The following TNFRSF10A variants were observed in gnomAD, a reference collection of about 807,000 sequenced individuals.
TNFRSF10A encodes the protein TNF receptor superfamily member 10a.
Under a neutral mutation model 42.8 loss-of-function variants are expected in TNFRSF10A, and 44 were observed. The ratio of observed to expected loss-of-function variants is 1.03; its 90% CI spans 0.81 to 1.32. TNFRSF10A has a LOEUF of 1.32. Among genes scored for constraint, TNFRSF10A ranks in the 40% most tolerant of loss-of-function variants. TNFRSF10A has a pLI of 0.00. For missense variants in TNFRSF10A, 680 were observed against 602.0 expected, an observed-to-expected ratio of 1.13 and a Z score of -1.36; for synonymous variants, 259 against 234.2, an observed-to-expected ratio of 1.11 and a Z score of -0.97.
Position 23,197,253 on chromosome 8 carries a change from G to C in TNFRSF10A, c.1015-49C>G, listed in dbSNP as rs375604798. ...CTTGGTCTGAGTCAGGGGTCCTGCA[G>C]TCTAGTACTGACTCTGACCATCAGC... On this transcript the variant is annotated intron_variant, in intron 8 of 9. Coordinates refer to ENST00000221132, the MANE Select transcript of TNFRSF10A (RefSeq NM_003844.4). 18 of 1,608,620 alleles carry C rather than the reference G, an allele frequency of 1.1e-5. No individual in the cohort carries two copies. The African/African-American group carries it at 2.4e-4, about 22-fold the overall frequency.
At chr8:23,224,041 G>A (rs1455832623) in intron 1 of TNFRSF10A, among the ~76,000 whole-genome samples, 3 of 152,136 alleles carry the variant, frequency 2.0e-5, no homozygotes, top group Non-Finnish European at 2.9e-5. Context: ...AAAGAAGGAT[G>A]GAGGGCCGGG....
intron 1 of TNFRSF10A, among the ~76,000 whole-genome samples, chr8:23,215,855 G>C (rs1285217802): frequency 1.4e-4 from 20 of 139,874 alleles, no homozygotes; most frequent in Non-Finnish European, 1.1e-4. Flanking sequence ...TTTTACTCTT[G>C]TTGCCCAGGC....
chr8:23,192,135 A>T, intron 9 of TNFRSF10A, 122 bp from the exon 10 acceptor site: 1 of 1,467,848 alleles, frequency 6.8e-7, no homozygotes, highest in Admixed American at 2.3e-5. Flanking sequence ...GCATGGGCAA[A>T]CCTGTTGCTC....
chr8:23,199,894 T>G lies in TNFRSF10A; in HGVS notation c.823A>C (p.Met275Leu), dbSNP rs935118489. Residue 275 changes from methionine to leucine, a missense_variant, in exon 7 of 10, where the codon ATG becomes CTG. By Grantham distance (15) the Met-to-Leu change is conservative (BLOSUM62 2). Transcript: ENST00000221132. ...GSGCGGDPKC[M>L]DRVCFWRLGL... is the part of the protein sequence containing the mutation. Reference sequence around the variant, plus strand: ...TGGAGAAATCAACTCACCCTGTCCATGCACTTGGGGTCCCCTCCACAACCT... The same window carrying G: ...TGGAGAAATCAACTCACCCTGTCCAGGCACTTGGGGTCCCCTCCACAACCT... 2.5e-6 allele frequency: 4 copies of G among 1,614,086 alleles called. 2 individuals are homozygous for G. Among genetic ancestry groups the G allele is most frequent in the South Asian group, 2.2e-5 (2 of 91,074 alleles).
intron 2 of TNFRSF10A, among the ~76,000 whole-genome samples, chr8:23,204,386 A>G (rs1391895567): frequency 1.3e-5 from 2 of 152,366 alleles, no homozygotes; most frequent in East Asian, 3.9e-4. Context: ...AGAAAACTGC[A>G]TGGAAGAAAT....
intron 2 of TNFRSF10A, among the ~76,000 whole-genome samples, chr8:23,206,134 A>C (rs1337720949): frequency 6.6e-6 from 1 of 152,230 alleles, no homozygotes; most frequent in Non-Finnish European, 1.5e-5. Flanking sequence ...TTTTTTGTAC[A>C]GCTGTACAGT....
chr8:23,215,230 AG>A (rs1276073121), intron 1 of TNFRSF10A, among the ~76,000 whole-genome samples: 1 of 152,174 alleles, frequency 6.6e-6, no homozygotes, highest in Non-Finnish European at 1.5e-5. Context: ...AAGGAAGAGC[AG>A]GGGGGCCGGG....
At chr8:23,195,214 A>G (rs909430777) in intron 9 of TNFRSF10A, among the ~76,000 whole-genome samples, 1 of 152,206 alleles carries the variant, frequency 6.6e-6, no homozygotes, top group Non-Finnish European at 1.5e-5. Flanking sequence ...TTGTTAACCA[A>G]ACATGAAGCT....
At position 23,199,901 on chromosome 8, in the gene TNFRSF10A, G is replaced by C. The variant is rs1253628098; in HGVS notation, c.816C>G (p.Pro272=). Reference sequence around the variant, plus strand: ...ATCAACTCACCCTGTCCATGCACTTGGGGTCCCCTCCACAACCTAGAAGAG... The same window carrying C: ...ATCAACTCACCCTGTCCATGCACTTCGGGTCCCCTCCACAACCTAGAAGAG... The part of the protein sequence containing the change: ...CCIGSGCGGD[P]KCMDRVCFWR... Residue 272 remains proline, a synonymous_variant, in exon 7 of 10, where the codon CCC becomes CCG. Transcript: ENST00000221132. 4 of 1,613,982 alleles carry C rather than the reference G, an allele frequency of 2.5e-6. No individual in the cohort carries two copies. Among genetic ancestry groups the C allele is most frequent in the South Asian group, 1.1e-5 (1 of 91,090 alleles).
At chr8:23,197,770 G>A (rs1007310105) in intron 8 of TNFRSF10A, among the ~76,000 whole-genome samples, 1 of 152,084 alleles carries the variant, frequency 6.6e-6, no homozygotes, top group Admixed American at 6.5e-5. Context: ...GGGACCATTC[G>A]TTAATAATAT....
In TNFRSF10A at chr8:23,210,415, C is replaced by T. The variant is rs1585285203; in HGVS notation, c.403+1701G>A. Among the ~76,000 whole-genome samples the T allele has an allele frequency of 2.6e-5, 4 of 152,188 alleles. No homozygotes were observed. The South Asian group carries it at 8.3e-4, about 32-fold the overall frequency. On this transcript the variant is annotated intron_variant, in intron 2 of 9. Transcript: ENST00000221132. ...AAGAATTATAGGCTGGGCACGGTGG[C>T]TCACGACTGTAATCCCAGCACTTTG...
chr8:23,194,719 C>T (rs1800799737), intron 9 of TNFRSF10A, among the ~76,000 whole-genome samples: 1 of 152,138 alleles, frequency 6.6e-6, no homozygotes, highest in Non-Finnish European at 1.5e-5. Context: ...TCTAATATCT[C>T]AATTTTCAGA....
At chr8:23,212,404 T>C (rs1450315197) in intron 1 of TNFRSF10A, among the ~76,000 whole-genome samples, 192 bp from the exon 2 acceptor site, 1 of 152,238 alleles carries the variant, frequency 6.6e-6, no homozygotes, top group Non-Finnish European at 1.5e-5. Flanking sequence ...CTGTGGCAAC[T>C]ACCATTCTAC....
intron 2 of TNFRSF10A, among the ~76,000 whole-genome samples, chr8:23,210,147 G>A (rs1207947986): frequency 6.6e-6 from 1 of 152,288 alleles, no homozygotes; most frequent in South Asian, 2.1e-4. Flanking sequence ...CTTCTGCCAT[G>A]ATTGTGAGGC....
chr8:23,224,917 C>G lies in TNFRSF10A; in HGVS notation c.145G>C (p.Gly49Arg). ...GSSAGRIEPR[G>R]GGRGALPTSM... Reference sequence around the variant, plus strand: ...GTAGGGAGCGCTCCTCGGCCCCCGCCTCGTGGTTCAATCCTCCCCGCGGAA... The same window carrying G: ...GTAGGGAGCGCTCCTCGGCCCCCGCGTCGTGGTTCAATCCTCCCCGCGGAA... Residue 49 changes from glycine (G) to arginine (R), a missense_variant, in exon 1 of 10, where the codon GGC becomes CGC. By Grantham distance (125) the Gly-to-Arg change is moderately radical. Coordinates refer to ENST00000221132, the MANE Select transcript of TNFRSF10A (RefSeq NM_003844.4). The G allele has an allele frequency of 1.9e-6, 3 of 1,598,580 alleles. No individual in the cohort carries two copies. The South Asian group carries it at 3.4e-5, about 18-fold the overall frequency.
chr8:23,201,649 G>C (rs1374677575), intron 4 of TNFRSF10A, among the ~76,000 whole-genome samples, 159 bp downstream of exon 4: 1 of 152,068 alleles, frequency 6.6e-6, no homozygotes, highest in Non-Finnish European at 1.5e-5. Context: ...CAGGTTGCAG[G>C]CTCAGGAGAC....
In TNFRSF10A at chr8:23,190,889, G is replaced by A. The variant is rs1043773097; in HGVS notation, c.*805C>T. 2 of 152,202 alleles carry A rather than the reference G, an allele frequency of 1.3e-5. No homozygotes were observed. Among genetic ancestry groups the A allele is most frequent in the African/African-American group, 4.8e-5 (2 of 41,432 alleles). The allele number at this position is 152,202 out of a possible 1,614,324, so 9.4% of individuals were successfully genotyped here. On this transcript the variant is annotated 3_prime_UTR_variant, in exon 10 of 10. Transcript: ENST00000221132. ...CAAGGCCAAAATCCTTAGATCCTTC[G>A]GGAGGCCACTGGTGTATGCCCTGGA...
rs1234687603 is a variant in TNFRSF10A, at chr8:23,191,900, T to A, written c.1201A>T (p.Thr401Ser). The A allele has an allele frequency of 1.2e-6, 2 of 1,614,212 alleles. No homozygotes were observed. Among genetic ancestry groups the A allele is most frequent in the Non-Finnish European group, 1.7e-6 (2 of 1,180,034 alleles). The change falls in exon 10 of 10, where the codon ACA becomes TCA. Residue 401 changes from threonine to serine, a missense_variant. Coordinates refer to ENST00000221132, the MANE Select transcript of TNFRSF10A (RefSeq NM_003844.4). ...TACAAGGCATCCCCTGGGCCTGCTG[T>A]ACCAGCTCTGACCACATCGATCTCA... ...KNEIDVVRAG[T>S]AGPGDALYAM...
chr8:23,199,250 C>T lies in TNFRSF10A; in HGVS notation c.1014+16G>A. On this transcript the variant is annotated intron_variant, in intron 8 of 9. Coordinates refer to ENST00000221132, the MANE Select transcript of TNFRSF10A (RefSeq NM_003844.4). ...CCCTGCCTACAAGGTCTTGGAGGGG[C>T]CTGTCCCCAACTCACCAGCAGACAC... 2 of 1,606,462 alleles carry T rather than the reference C, an allele frequency of 1.2e-6. No individual in the cohort carries two copies. Among genetic ancestry groups the T allele is most frequent in the Non-Finnish European group, 1.7e-6 (2 of 1,173,880 alleles).
Sources: gnomAD v4.1 joint callset for allele counts (sites outside exome capture counted in the v4.1 genomes callset) on GRCh38, gnomAD v4.1.1 for gene constraint, MANE v1.5 for transcripts, NCBI Gene and HGNC (gene_info 2026-07-23, HGNC 2026-07-21) for gene names.